PTPRS: variants seen among roughly 807,000 people sequenced by gnomAD.
PTPRS encodes receptor-type tyrosine-protein phosphatase S.
In PTPRS, 63 loss-of-function variants were observed where a neutral mutation model predicts 215.3. That is an observed-to-expected ratio of 0.29 (90% CI 0.24 to 0.36). The LOEUF is 0.36. PTPRS is among the 10% of genes least tolerant of loss of function. The pLI is 1.00. For synonymous variants in PTPRS, 1,404 were observed against 1,191.4 expected, an observed-to-expected ratio of 1.18 and a Z score of -3.68; for missense variants, 2,258 against 2,825.8, an observed-to-expected ratio of 0.80 and a Z score of 4.56.
At position 5,218,441 on chromosome 19, in the gene PTPRS, G is replaced by C. The variant is rs753143589; in HGVS notation, c.4027C>G (p.Arg1343Gly). 6.2e-7 allele frequency: 1 copy of C among 1,613,734 alleles called. No individual in the cohort carries two copies. The highest frequency in any genetic ancestry group is 8.5e-7 in the Non-Finnish European group (1 of 1,179,924). Residue 1343 changes from arginine to glycine, a missense_variant, in exon 25 of 38, where the codon CGC becomes GGC. Physicochemically the swap from Arg to Gly is moderately radical, Grantham distance 125. Transcript: ENST00000262963. ...HHPKDPVEMR[R>G]INFQTPDSGL... ...ATACCTGGAGTCTGGAAGTTAATGC[G>C]TCTCATTTCCACAGGGTCCTTGGGG... is the stretch of plus-strand genomic sequence containing the variant.
rs112027042 is a variant in PTPRS at position 5,218,549 on chromosome 19, C to T, written c.3936-17G>A. ...TTGCGTTTACTTTAGGAGAAGCAAG[C>T]GGAACAGTCCAGTTAGTAGTGGCAC... On this transcript the variant is annotated splice_polypyrimidine_tract_variant and intron_variant, in intron 24 of 37. Coordinates refer to ENST00000262963, the MANE Select transcript of PTPRS (RefSeq NM_002850.4). The T allele has an allele frequency of 2.0e-4, 316 of 1,610,054 alleles. 3 individuals carry two copies. The South Asian group carries it at 2.7e-3, about 14-fold the overall frequency.
intron 1 of PTPRS, 69 bp from the exon 2 acceptor site, chr19:5,286,303 AGGGAGGGTCACATGGAGCAG>A (rs2048346021): frequency 1.4e-6 from 1 of 723,428 alleles, no homozygotes; most frequent in African/African-American, 1.7e-5. Flanking sequence ...GAGGAGGCAG[AGGGAGGGTCACATGGAGCAG>A]GGGAGGGTCC....
intron 9 of PTPRS, among the ~76,000 whole-genome samples, chr19:5,246,901 GAGAA>G (rs1555777677): frequency 6.6e-6 from 1 of 151,618 alleles, no homozygotes; most frequent in Admixed American, 6.7e-5. Context: ...GAGAGAGAGA[GAGAA>G]AGAGAGAGCG....
rs201530651 is a variant in PTPRS at position 5,220,071 on chromosome 19, A to T, written c.3633T>A (p.Ala1211=). 27 of 1,613,970 alleles carry T rather than the reference A, an allele frequency of 1.7e-5. No individual in the cohort carries two copies. Among genetic ancestry groups the T allele is most frequent in the Admixed American group, 6.7e-5 (4 of 60,026 alleles). The change falls in exon 22 of 38, where the codon GCT becomes GCA. Residue 1211 remains alanine, a synonymous_variant. Coordinates refer to ENST00000262963, the MANE Select transcript of PTPRS (RefSeq NM_002850.4). ...ACGTGGGTGGCAGCACAGAGAAGCG[A>T]GCTGCAATATAGGGCCGGGGCACCT... is the stretch of plus-strand genomic sequence containing the variant. The part of the protein sequence containing the change: ...QLEVPRPYIA[A]RFSVLPPTFH...
chr19:5,211,555 C>T, intron 33 of PTPRS, 35 bp downstream of exon 33: 1 of 1,586,810 alleles, frequency 6.3e-7, no homozygotes, highest in Non-Finnish European at 8.6e-7. Flanking sequence ...TGGGCTCCTT[C>T]TGGGGCCCTG....
At chr19:5,229,707 A>G in intron 14 of PTPRS, 23 bp from the exon 15 acceptor site, 1 of 1,106,846 alleles carries the variant, frequency 9.0e-7, no homozygotes, top group Non-Finnish European at 1.1e-6. Context: ...AGGGGAGGGG[A>G]GGGGCGGGCG....
chr19:5,334,621 G>A lies in PTPRS; in HGVS notation c.-95+6043C>T, dbSNP rs740454. 9.5e-3 allele frequency among the ~76,000 whole-genome samples: 1,454 copies of A among 152,330 alleles called. 10 individuals carry two copies. The highest frequency in any genetic ancestry group is 0.017 in the Non-Finnish European group (1,158 of 68,040). On this transcript the variant is annotated intron_variant, in intron 1 of 37. Coordinates refer to ENST00000262963, the MANE Select transcript of PTPRS (RefSeq NM_002850.4). ...AAGGCAGTCAAGAGCCCTGGGGTGT[G>A]TGTGTGCGGGGGGTGTCTCTGTAGC...
At chr19:5,250,635 C>T (rs1397938829) in intron 9 of PTPRS, among the ~76,000 whole-genome samples, 2 of 3,042 alleles carry the variant, frequency 6.6e-4, no homozygotes, top group Admixed American at 5.0e-3. Context: ...CCCGCTTGGG[C>T]GAGGGGGTCG....
At chr19:5,226,080 T>C (rs991905752) in intron 16 of PTPRS, among the ~76,000 whole-genome samples, 20 of 152,188 alleles carry the variant, frequency 1.3e-4, no homozygotes, top group African/African-American at 4.3e-4. Flanking sequence ...CGGTCCTCTC[T>C]GCTCCGCTCC....
intron 1 of PTPRS, among the ~76,000 whole-genome samples, chr19:5,331,297 AT>A (rs60930224): frequency 1.3e-5 from 2 of 150,352 alleles, no homozygotes; most frequent in African/African-American, 4.9e-5. Flanking sequence ...CCCTCGGCTG[AT>A]TTTTTTTTGT....
chr19:5,323,291 A>G (rs1275382038), intron 1 of PTPRS, among the ~76,000 whole-genome samples: 3 of 152,196 alleles, frequency 2.0e-5, no homozygotes, highest in African/African-American at 4.8e-5. Context: ...TCCGGGAGGC[A>G]GAGGTTGCAT....
At chr19:5,267,285 G>A (rs371490712) in intron 4 of PTPRS, among the ~76,000 whole-genome samples, 6 of 152,136 alleles carry the variant, frequency 3.9e-5, no homozygotes, top group East Asian at 3.9e-4. Flanking sequence ...CTCCCTGAGC[G>A]GTGGGAACAT....
rs555977171 is a variant in PTPRS at position 5,229,461 on chromosome 19, TCCCCGGCCCCGCCCCGG to T, written c.2349+13_2349+29del. 1.5e-6 allele frequency: 2 copies of T among 1,375,294 alleles called. No individual in the cohort carries two copies. Among genetic ancestry groups the T allele is most frequent in the Admixed American group, 7.8e-5 (2 of 25,544 alleles). 85.2% of individuals were successfully genotyped at this position (1,375,294 alleles called of 1,614,324 possible). A position where few individuals can be genotyped will look rare whatever the true frequency, so the allele number is the denominator to read the frequency against. On this transcript the variant is annotated intron_variant, in intron 15 of 37. Coordinates refer to ENST00000262963, the MANE Select transcript of PTPRS (RefSeq NM_002850.4). ...AGGGCCCGTCCCCGCCCGGAGCCCGTCCCCGGCCCCGCCCCGGCCCCCCGCCCACCTGGGCATCGGCC... is the reference window on the plus strand; with the variant it reads ...AGGGCCCGTCCCCGCCCGGAGCCCGTCCCCCCGCCCACCTGGGCATCGGCC...
chr19:5,263,154 C>T (rs1200357615), intron 5 of PTPRS, among the ~76,000 whole-genome samples, 182 bp from the exon 6 acceptor site: 1 of 152,064 alleles, frequency 6.6e-6, no homozygotes, highest in African/African-American at 2.4e-5. Flanking sequence ...ACCTAGCAGG[C>T]GCTAGACATT....
At position 5,287,596 on chromosome 19, in the gene PTPRS, G is replaced by A. The variant is rs767344818; in HGVS notation, c.-94-1362C>T. Among the ~76,000 whole-genome samples the A allele has an allele frequency of 7.0e-4, 106 of 152,158 alleles. 1 individual carries two copies. The highest frequency in any genetic ancestry group is 1.5e-4 in the Non-Finnish European group (10 of 68,024). ...CCCATGCCCTGGGCGGGTCCAGGCCGTGACCACAGGAACTGGTGGCGCATA... is the reference window on the plus strand; with the variant it reads ...CCCATGCCCTGGGCGGGTCCAGGCCATGACCACAGGAACTGGTGGCGCATA... On this transcript the variant is annotated intron_variant, in intron 1 of 37. Coordinates refer to ENST00000262963, the MANE Select transcript of PTPRS (RefSeq NM_002850.4). This position sits in a 1 kb window ranked among gnomAD's most constrained non-coding sequence, Gnocchi z 4.8.
rs1044603645 is a variant in PTPRS at position 5,215,214 on chromosome 19, C to G, written c.4318+75G>C. ...TGACCAGAATCAGGCCTCAGTGGCC[C>G]AAGGGGAGACATGGGATCTAGCACT... On this transcript the variant is annotated intron_variant, in intron 28 of 37. Coordinates refer to ENST00000262963, the MANE Select transcript of PTPRS (RefSeq NM_002850.4). 110 of 1,582,408 alleles carry G rather than the reference C, an allele frequency of 7.0e-5. 1 individual carries two copies. The African/African-American group carries it at 1.3e-3, about 18-fold the overall frequency.
chr19:5,249,952 G>A (rs572684260), intron 9 of PTPRS, among the ~76,000 whole-genome samples: 1 of 152,244 alleles, frequency 6.6e-6, no homozygotes, highest in African/African-American at 2.4e-5. Flanking sequence ...TAATTTGCAA[G>A]GTACCTTTAA....
chr19:5,328,588 G>A (rs1017969537), intron 1 of PTPRS, among the ~76,000 whole-genome samples: 1 of 152,196 alleles, frequency 6.6e-6, no homozygotes, highest in Non-Finnish European at 1.5e-5. Context: ...CAGAGAGGGT[G>A]AGCAAGTAGC....
At chr19:5,315,904 C>T (rs951245765) in intron 1 of PTPRS, among the ~76,000 whole-genome samples, 2 of 148,858 alleles carry the variant, frequency 1.3e-5, no homozygotes, top group African/African-American at 5.0e-5. Context: ...TAGCTGGGAC[C>T]ACAGCTGTAC....
Sources: allele counts gnomAD v4.1 joint callset (sites outside exome capture counted in the v4.1 genomes callset), GRCh38; gene constraint gnomAD v4.1.1; non-coding constraint Gnocchi (gnomAD v3.1); transcripts MANE v1.5; gene names NCBI Gene and HGNC (gene_info 2026-07-23, HGNC 2026-07-21).